Variants in KAT5 observed in about 807,000 individuals in gnomAD.
KAT5 encodes histone acetyltransferase KAT5.
A neutral mutation model predicts 68.1 loss-of-function variants in KAT5; 31 were observed. The ratio of observed to expected loss-of-function variants is 0.46; its 90% CI spans 0.34 to 0.61. The LOEUF is 0.61. Ranked by LOEUF, KAT5 falls within the 20% of genes least tolerant of loss-of-function variation. KAT5 has a pLI of 0.01. For synonymous variants in KAT5, 365 were observed against 292.6 expected (o/e 1.25, Z -2.52); for missense variants, 451 against 725.5 (o/e 0.62, Z 4.35).
Position 65,719,241 on chromosome 11 carries a change from C to T in KAT5, c.*60C>T, listed in dbSNP as rs186106053. The T allele has an allele frequency of 9.1e-4, 1,434 of 1,578,936 alleles. 16 individuals carry two copies. The Admixed American group carries it at 0.02, about 22-fold the overall frequency. ...CAGGACTGGGGCTGATAGCCCACCC[C>T]GCCCCCACTGCAGCTCCCACAAAGC... On this transcript the variant is annotated 3_prime_UTR_variant, in exon 13 of 13. Coordinates refer to ENST00000341318, the MANE Select transcript of KAT5 (RefSeq NM_182710.3).
chr11:65,716,816 C>T lies in KAT5; in HGVS notation c.1170+9C>T, dbSNP rs946511113. 8.1e-6 allele frequency: 13 copies of T among 1,614,048 alleles called. No homozygotes were observed. Among genetic ancestry groups the T allele is most frequent in the African/African-American group, 2.7e-5 (2 of 74,926 alleles). On this transcript the variant is annotated intron_variant, in intron 9 of 12. Transcript: ENST00000341318. ...TGGGCTACTTCTCCAAGGTCAGTGCCTGCCCAAGCTGTCCCTGTGCCCTGT... is the reference window on the plus strand; with the variant it reads ...TGGGCTACTTCTCCAAGGTCAGTGCTTGCCCAAGCTGTCCCTGTGCCCTGT...
At chr11:65,715,091 C>T in intron 8 of KAT5, 181 bp downstream of exon 8, 1 of 624,168 alleles carries the variant, frequency 1.6e-6, no homozygotes. Context: ...CAGCTTAGTC[C>T]ATGGGAGAGA....
At chr11:65,713,172 T>C in intron 3 of KAT5, 114 bp downstream of exon 3, 1 of 1,431,572 alleles carries the variant, frequency 7.0e-7, no homozygotes. Flanking sequence ...TGACTTCATC[T>C]TGCAAAGGAT....
At chr11:65,715,081 C>T (rs1857149917) in intron 8 of KAT5, 171 bp downstream of exon 8, 2 of 639,426 alleles carry the variant, frequency 3.1e-6, no homozygotes, top group Admixed American at 4.7e-5. Flanking sequence ...TGTTCTCTGA[C>T]AGCTTAGTCC....
At chr11:65,716,044 C>T (rs960025254) in intron 8 of KAT5, 13 of 148,796 alleles carry the variant, frequency 8.7e-5, no homozygotes, top group African/African-American at 3.2e-4. Context: ...AAAAAAAAAC[C>T]CACAATGTCT....
At position 65,713,427 on chromosome 11, in the gene KAT5, G is replaced by A. The variant is rs1033371239; in HGVS notation, c.464G>A (p.Arg155Gln). 5.0e-6 allele frequency: 8 copies of A among 1,613,946 alleles called. No homozygotes were observed. The highest frequency in any genetic ancestry group is 5.9e-6 in the Non-Finnish European group (7 of 1,180,028). Reference sequence around the variant, plus strand: ...CTCCGCTTCAACCTGCCCAAGGAGCGGGAGGCCATTCCCGGTGGCGAGCCT... The same window carrying A: ...CTCCGCTTCAACCTGCCCAAGGAGCAGGAGGCCATTCCCGGTGGCGAGCCT... The part of the protein sequence containing the change: ...ITLRFNLPKE[R>Q]EAIPGGEPDQ... Residue 155 changes from arginine to glutamine, a missense_variant, in exon 4 of 13, where the codon CGG (arginine) becomes CAG (glutamine). This residue lies in a region of KAT5 where 135 missense variants were observed against 173.4 expected (regional missense o/e 0.78). Transcript: ENST00000341318.
intron 6 of KAT5, chr11:65,714,237 G>A (rs1857124272): frequency 1.8e-6 from 1 of 556,142 alleles, no homozygotes; most frequent in Admixed American, 3.2e-5. Context: ...GGAGATTGCA[G>A]TGAGCCAAGA....
chr11:65,713,699 CCT>C (rs764059841), intron 5 of KAT5, 32 bp downstream of exon 5: 13 of 1,613,578 alleles, frequency 8.1e-6, no homozygotes, highest in Non-Finnish European at 1.1e-5. Flanking sequence ...TTGTTCTCTT[CCT>C]CTCTTCTACT....
chr11:65,716,678 G>A lies in KAT5; in HGVS notation c.1041G>A (p.Gln347=). Reference sequence around the variant, plus strand: ...CTTTTCTCTTGCAGAGTTATTCCCAGAACCTGTGTCTTTTGGCCAAGTGTT... The same window carrying A: ...CTTTTCTCTTGCAGAGTTATTCCCAAAACCTGTGTCTTTTGGCCAAGTGTT... ...IDGRKNKSYS[Q]NLCLLAKCFL... is the part of the protein sequence containing the mutation. Residue 347 remains glutamine (Q), a synonymous_variant, in exon 9 of 13, where the codon CAG becomes CAA. Transcript: ENST00000341318. The A allele has an allele frequency of 6.2e-7, 1 of 1,614,032 alleles. No homozygotes were observed. The highest frequency in any genetic ancestry group is 1.7e-5 in the Admixed American group (1 of 60,016).
rs1411746626 is a variant in KAT5 at position 65,718,587 on chromosome 11, T to C, written c.1265-3T>C. 1 of 1,613,682 alleles carries C rather than the reference T, an allele frequency of 6.2e-7. No homozygotes were observed. The highest frequency in any genetic ancestry group is 8.5e-7 in the Non-Finnish European group (1 of 1,179,770). ...CTCACCCTCTCCTGCTCCATTGCTT[T>C]AGGCTATGAACTCTCCAAAGTGGAA... is the stretch of plus-strand genomic sequence containing the variant. On this transcript the variant is annotated splice_polypyrimidine_tract_variant and splice_region_variant and intron_variant, in intron 10 of 12. Coordinates refer to ENST00000341318, the MANE Select transcript of KAT5 (RefSeq NM_182710.3).
At chr11:65,713,222 C>A in intron 3 of KAT5, 126 bp from the exon 4 acceptor site, 1 of 1,305,174 alleles carries the variant, frequency 7.7e-7, no homozygotes, top group African/African-American at 1.5e-5. Context: ...AGTCCAGTAG[C>A]TAGTCCTGTG....
At chr11:65,712,195 G>C (rs931650740), upstream of KAT5, 169 of 1,362,334 alleles carry the variant, frequency 1.2e-4, no homozygotes, top group Non-Finnish European at 1.6e-4. Flanking sequence ...CGTGAGGCCC[G>C]GGCCCACAGG....
intron 3 of KAT5, 28 bp from the exon 4 acceptor site, chr11:65,713,320 A>G (rs551115): frequency 0.99 from 1,595,363 of 1,608,002 alleles, 792,136 homozygotes; most frequent in East Asian, 1. Context: ...CCCCGCCCCA[A>G]AGGAAGACCC....
At chr11:65,714,075 G>A (rs988588332) in intron 6 of KAT5, 5 of 564,536 alleles carry the variant, frequency 8.9e-6, no homozygotes, top group Non-Finnish European at 1.3e-5. Context: ...AAGGCTGGTG[G>A]ATCACCTGAG....
In KAT5 at chr11:65,716,665, A is replaced by G; in HGVS notation, c.1030-2A>G. 6.2e-7 allele frequency: 1 copy of G among 1,613,634 alleles called. No individual in the cohort carries two copies. Among genetic ancestry groups the G allele is most frequent in the Non-Finnish European group, 8.5e-7 (1 of 1,179,862 alleles). Reference sequence around the variant, plus strand: ...AGTGGTGACAAGCCTTTTCTCTTGCAGAGTTATTCCCAGAACCTGTGTCTT... The same window carrying G: ...AGTGGTGACAAGCCTTTTCTCTTGCGGAGTTATTCCCAGAACCTGTGTCTT... On this transcript the variant is annotated splice_acceptor_variant, in intron 8 of 12. Transcript: ENST00000341318. LOFTEE classifies it high-confidence loss of function.
rs1857321506 is a variant in KAT5 at position 65,719,405 on chromosome 11, C to G, written c.*224C>G. 3.2e-6 allele frequency: 2 copies of G among 620,950 alleles called. No homozygotes were observed. Among genetic ancestry groups the G allele is most frequent in the Admixed American group, 5.9e-5 (2 of 33,894 alleles). The allele number at this position is 620,950 out of a possible 1,614,324, so 38.5% of individuals were successfully genotyped here. A position where few individuals can be genotyped will look rare whatever the true frequency, so the allele number is the denominator to read the frequency against. ...AGCTGGCCACAGGCCCAGGCCTCCT[C>G]TGAAGCAGGGACCAGAGGGAGCCAG... On this transcript the variant is annotated 3_prime_UTR_variant, in exon 13 of 13. Coordinates refer to ENST00000341318, the MANE Select transcript of KAT5 (RefSeq NM_182710.3).
At position 65,713,802 on chromosome 11, in the gene KAT5, C is replaced by T. The variant is rs369137034; in HGVS notation, c.644C>T (p.Ala215Val). The change falls in exon 6 of 13, where the codon GCC becomes GTC. Residue 215 changes from alanine (A) to valine (V), a missense_variant. Physicochemically the swap from Ala to Val is moderately conservative, Grantham distance 64 (BLOSUM62 0). Transcript: ENST00000341318. ...QNGAARRAVA[A>V]QPGRKRKSNC... ...GGAGCCGCCCGTAGGGCAGTGGCAGCCCAGCCAGGACGGAAGCGAAAATCG... is the reference window on the plus strand; with the variant it reads ...GGAGCCGCCCGTAGGGCAGTGGCAGTCCAGCCAGGACGGAAGCGAAAATCG... 1.9e-6 allele frequency: 3 copies of T among 1,608,168 alleles called. No individual in the cohort carries two copies. In the African/African-American group the frequency reaches 4.0e-5, roughly 21 times the overall value.
chr11:65,712,794 C>T lies in KAT5; in HGVS notation c.207C>T (p.Asp69=). 1 of 1,614,072 alleles carries T rather than the reference C, an allele frequency of 6.2e-7. No homozygotes were observed. The highest frequency in any genetic ancestry group is 8.5e-7 in the Non-Finnish European group (1 of 1,180,024). The change falls in exon 2 of 13, where the codon GAC becomes GAT. Residue 69 remains aspartate, a synonymous_variant. Coordinates refer to ENST00000341318, the MANE Select transcript of KAT5 (RefSeq NM_182710.3). Reference sequence around the variant, plus strand: ...TGGCCGAGATCCTGAGCGTGAAGGACATCAGTGGCCGGAAGCTTTTCTACG... The same window carrying T: ...TGGCCGAGATCCTGAGCGTGAAGGATATCAGTGGCCGGAAGCTTTTCTACG... The part of the protein sequence containing the change: ...WPLAEILSVK[D]ISGRKLFYVH...
chr11:65,714,012 G>T (rs1857116672), intron 6 of KAT5, 164 bp downstream of exon 6: 1 of 671,940 alleles, frequency 1.5e-6, no homozygotes, highest in Non-Finnish European at 2.5e-6. Flanking sequence ...TGAGTCATTG[G>T]GGCCGGGCAC....
Sources: gnomAD v4.1 joint callset for allele counts on GRCh38, gnomAD v4.1.1 for gene constraint, gnomAD v4.1.1 regional missense constraint, MANE v1.5 for transcripts, NCBI Gene and HGNC (gene_info 2026-07-23, HGNC 2026-07-21) for gene names.